PRKCE: variants seen among roughly 807,000 people sequenced by gnomAD.
The protein encoded by PRKCE is protein kinase C epsilon.
PRKCE carries 16 observed loss-of-function variants against 85.4 expected under a neutral mutation model. That is an observed-to-expected ratio of 0.19 (90% CI 0.13 to 0.28). PRKCE has a LOEUF of 0.28. Ranked by LOEUF, PRKCE falls within the 10% of genes least tolerant of loss-of-function variation. The pLI, the probability that PRKCE is intolerant of heterozygous loss-of-function variation, is 1.00. For missense variants in PRKCE, 573 were observed against 975.2 expected (o/e 0.59, Z 5.49); for synonymous variants, 388 against 371.5 (o/e 1.04, Z -0.51).
At chr2:45,883,930 G>C (rs1695061673) in intron 2 of PRKCE, among the ~76,000 whole-genome samples, 1 of 152,182 alleles carries the variant, frequency 6.6e-6, no homozygotes, top group Admixed American at 6.5e-5. Flanking sequence ...ATGCTTTGCA[G>C]AGCTGAGGTT....
chr2:45,724,425 A>G (rs1268485266), intron 1 of PRKCE, among the ~76,000 whole-genome samples: 10 of 152,172 alleles, frequency 6.6e-5, no homozygotes, highest in Non-Finnish European at 1.0e-4. Context: ...ACAAAATGAT[A>G]TTGAAATCAG....
At chr2:45,903,431 A>G (rs1396714355) in intron 2 of PRKCE, among the ~76,000 whole-genome samples, 1 of 152,240 alleles carries the variant, frequency 6.6e-6, no homozygotes, top group Non-Finnish European at 1.5e-5. Flanking sequence ...CCCATGGGAC[A>G]GGGTTGCAGC....
At chr2:45,947,253 G>A (rs1472567792) in intron 2 of PRKCE, among the ~76,000 whole-genome samples, 1 of 152,138 alleles carries the variant, frequency 6.6e-6, no homozygotes, top group African/African-American at 2.4e-5. Flanking sequence ...TTTGTGATAT[G>A]TCCAAAATAG....
chr2:45,998,569 A>G (rs779289661), intron 6 of PRKCE, among the ~76,000 whole-genome samples: 3 of 152,162 alleles, frequency 2.0e-5, no homozygotes, highest in Admixed American at 2.0e-4. Flanking sequence ...TGTGAACAAC[A>G]TATAGTTAGT....
intron 1 of PRKCE, among the ~76,000 whole-genome samples, chr2:45,838,485 C>A (rs982063253): frequency 1.1e-4 from 16 of 152,170 alleles, no homozygotes; most frequent in African/African-American, 3.9e-4. Context: ...GTGTCATTGC[C>A]CTTCTTTCAT....
intron 10 of PRKCE, chr2:46,011,040 T>A: frequency 1.0e-6 from 1 of 994,276 alleles, no homozygotes; most frequent in Non-Finnish European, 1.3e-6. Context: ...AACCAGAAGG[T>A]GGCAGTAAAG....
intron 10 of PRKCE, among the ~76,000 whole-genome samples, chr2:46,055,912 C>T (rs1397174787): frequency 6.6e-6 from 1 of 152,222 alleles, no homozygotes; most frequent in Non-Finnish European, 1.5e-5. Context: ...ATCTGCCCGC[C>T]TTGGCCTCCC....
chr2:45,864,872 C>T (rs1263990050), intron 2 of PRKCE, among the ~76,000 whole-genome samples: 1 of 152,136 alleles, frequency 6.6e-6, no homozygotes, highest in Non-Finnish European at 1.5e-5. Flanking sequence ...CAGGGGGCCT[C>T]GAACTTGAGA....
chr2:45,992,540 A>G (rs1351342059), intron 6 of PRKCE, among the ~76,000 whole-genome samples: 1 of 152,110 alleles, frequency 6.6e-6, no homozygotes, highest in Non-Finnish European at 1.5e-5. Flanking sequence ...CCATTTGCAA[A>G]TATTTGCTCT....
At chr2:45,929,328 G>A (rs576361929) in intron 2 of PRKCE, among the ~76,000 whole-genome samples, 1 of 152,244 alleles carries the variant, frequency 6.6e-6, no homozygotes, top group African/African-American at 2.4e-5. Flanking sequence ...ACCAAAGAGC[G>A]ATAGCGGAGC....
At chr2:46,051,217 T>G in intron 10 of PRKCE, among the ~76,000 whole-genome samples, 1 of 152,196 alleles carries the variant, frequency 6.6e-6, no homozygotes, top group East Asian at 1.9e-4. Flanking sequence ...GCTCATGTTA[T>G]TTAATGTTGA....
chr2:46,078,681 C>A (rs1668773081), intron 10 of PRKCE: 1 of 152,218 alleles, frequency 6.6e-6, no homozygotes, highest in Non-Finnish European at 1.5e-5. Flanking sequence ...CTCACACCTA[C>A]CTTCCTCATT....
At chr2:45,671,974 G>T (rs967611417) in intron 1 of PRKCE, among the ~76,000 whole-genome samples, 1 of 150,170 alleles carries the variant, frequency 6.7e-6, no homozygotes, top group African/African-American at 2.5e-5. Flanking sequence ...GAGGCAGGAG[G>T]ATCACTTGAG....
chr2:45,906,096 C>T (rs958113858), intron 2 of PRKCE, among the ~76,000 whole-genome samples: 5 of 152,260 alleles, frequency 3.3e-5, no homozygotes, highest in African/African-American at 7.2e-5. Flanking sequence ...GATGCAGCGG[C>T]TTTCCTGCTC....
intron 2 of PRKCE, among the ~76,000 whole-genome samples, chr2:45,866,803 C>T (rs530083528): frequency 6.6e-6 from 1 of 152,352 alleles, no homozygotes; most frequent in African/African-American, 2.4e-5. Context: ...CCATACTGCA[C>T]AGTGCAGATC....
chr2:46,106,355 C>T (rs1323815962), intron 11 of PRKCE, among the ~76,000 whole-genome samples: 1 of 152,196 alleles, frequency 6.6e-6, no homozygotes, highest in East Asian at 1.9e-4. Context: ...CACCTGCCAC[C>T]CATTTACTTA....
At chr2:45,863,508 C>T (rs1693336832) in intron 2 of PRKCE, among the ~76,000 whole-genome samples, 1 of 152,094 alleles carries the variant, frequency 6.6e-6, no homozygotes, top group African/African-American at 2.4e-5. Flanking sequence ...CTTCTTCTTG[C>T]CCTACCTTCC....
At chr2:45,863,092 C>T (rs1693299745) in intron 2 of PRKCE, among the ~76,000 whole-genome samples, 1 of 152,130 alleles carries the variant, frequency 6.6e-6, no homozygotes, top group South Asian at 2.1e-4. Context: ...GAAGCTGAAC[C>T]CACAGTTTGT....
chr2:46,089,109 C>G (rs1218051414), intron 11 of PRKCE, among the ~76,000 whole-genome samples: 1 of 151,698 alleles, frequency 6.6e-6, no homozygotes, highest in South Asian at 2.1e-4. Flanking sequence ...ACTTGCCTTC[C>G]CATTGTCCTA....
Sources: allele counts gnomAD v4.1 joint callset (sites outside exome capture counted in the v4.1 genomes callset), GRCh38; gene constraint gnomAD v4.1.1; transcripts MANE v1.5; gene names NCBI Gene and HGNC (gene_info 2026-07-23, HGNC 2026-07-21).